The following DLG2 variants were observed in gnomAD, a reference collection of about 807,000 sequenced individuals.
The protein encoded by DLG2 is disks large homolog 2.
Under a neutral mutation model 132.5 loss-of-function variants are expected in DLG2, and 45 were observed. That is an observed-to-expected ratio of 0.34 (90% CI 0.27 to 0.44). The LOEUF is 0.44. Among genes scored for constraint, DLG2 ranks in the 20% least tolerant of loss-of-function variants. The pLI, the probability that DLG2 is intolerant of heterozygous loss-of-function variation, is 1.00. For synonymous variants in DLG2, 424 were observed against 419.6 expected (o/e 1.01, Z -0.13); for missense variants, 1,045 against 1,196.9 (o/e 0.87, Z 1.87).
At chr11:84,389,743 A>T (rs1490335984) in intron 7 of DLG2, among the ~76,000 whole-genome samples, 1 of 152,176 alleles carries the variant, frequency 6.6e-6, no homozygotes, top group Non-Finnish European at 1.5e-5. Context: ...GTAAGCATCT[A>T]GCCTTTGTCA....
intron 3 of DLG2, among the ~76,000 whole-genome samples, chr11:85,546,258 CATTCAGAAGTAGGTT>C (rs2153216584): frequency 6.6e-6 from 1 of 152,298 alleles, no homozygotes; most frequent in African/African-American, 2.4e-5. Context: ...ACCCAGCAGT[CATTCAGAAGTAGGTT>C]GTTCAGTTTC....
intron 15 of DLG2, among the ~76,000 whole-genome samples, chr11:83,878,102 C>T (rs1012589267): frequency 2.0e-5 from 3 of 152,196 alleles, no homozygotes; most frequent in Non-Finnish European, 2.9e-5. Context: ...CTAAAACATG[C>T]TGCTCTGTTC....
chr11:83,630,777 G>A lies in DLG2; in HGVS notation c.1940+2434C>T, dbSNP rs111722812. On this transcript the variant is annotated intron_variant, in intron 19 of 27. Coordinates refer to ENST00000376104, the MANE Select transcript of DLG2 (RefSeq NM_001142699.3). Reference sequence around the variant, plus strand: ...GCTGTGGGATCACAGGCAAGTCTCTGTCTCTGTTCTCCTCAGGTCTCAGTT... The same window carrying A: ...GCTGTGGGATCACAGGCAAGTCTCTATCTCTGTTCTCCTCAGGTCTCAGTT... 3.3e-3 allele frequency among the ~76,000 whole-genome samples: 508 copies of A among 152,138 alleles called. 3 individuals carry two copies. Among genetic ancestry groups the A allele is most frequent in the African/African-American group, 0.011 (463 of 41,436 alleles).
chr11:85,020,068 G>C (rs1215675356), intron 6 of DLG2, among the ~76,000 whole-genome samples: 1 of 152,172 alleles, frequency 6.6e-6, no homozygotes, highest in East Asian at 1.9e-4. Flanking sequence ...GTTTGAACTA[G>C]TTTACAGCCC....
At chr11:84,697,950 AAC>A (rs1469275609) in intron 6 of DLG2, among the ~76,000 whole-genome samples, 1 of 151,546 alleles carries the variant, frequency 6.6e-6, no homozygotes, top group Non-Finnish European at 1.5e-5. Context: ...TTTTGAAAAA[AAC>A]ACAGCTAATT....
intron 3 of DLG2, among the ~76,000 whole-genome samples, chr11:85,415,114 G>T (rs1302833117): frequency 6.6e-6 from 1 of 152,054 alleles, no homozygotes; most frequent in African/African-American, 2.4e-5. Flanking sequence ...TGCAGTGTTT[G>T]GTTTTCTCTT....
chr11:84,354,853 T>G (rs2098601639), intron 7 of DLG2, among the ~76,000 whole-genome samples: 2 of 152,050 alleles, frequency 1.3e-5, no homozygotes, highest in Non-Finnish European at 2.9e-5. Flanking sequence ...ATTAAGGGAG[T>G]ATTGAAGACC....
At chr11:84,843,292 A>T (rs1338470409) in intron 6 of DLG2, among the ~76,000 whole-genome samples, 1 of 120,418 alleles carries the variant, frequency 8.3e-6, no homozygotes, top group African/African-American at 3.1e-5. Context: ...AGTACTGTTA[A>T]AAAAAAAAAA....
intron 5 of DLG2, among the ~76,000 whole-genome samples, chr11:85,136,085 C>T (rs953551393): frequency 3.3e-5 from 5 of 152,168 alleles, no homozygotes; most frequent in Non-Finnish European, 7.4e-5. Flanking sequence ...TACCTTTATA[C>T]AATCAGTTTA....
At chr11:85,191,160 G>GCACACACACACACACACA (rs1256970184) in intron 4 of DLG2, among the ~76,000 whole-genome samples, 1 of 101,108 alleles carries the variant, frequency 9.9e-6, no homozygotes, top group African/African-American at 4.4e-5. Context: ...GCGCGCACGC[G>GCACACACACACACACACA]CGCACACACA....
At chr11:83,595,752 C>A (rs1483947832) in intron 19 of DLG2, among the ~76,000 whole-genome samples, 2 of 152,168 alleles carry the variant, frequency 1.3e-5, no homozygotes, top group African/African-American at 2.4e-5. Flanking sequence ...TAAAGTATCA[C>A]ATTGCAAACA....
At chr11:83,664,961 A>C (rs185926927) in intron 18 of DLG2, among the ~76,000 whole-genome samples, 1 of 152,302 alleles carries the variant, frequency 6.6e-6, no homozygotes, top group East Asian at 1.9e-4. Flanking sequence ...ATTTTTTTGC[A>C]TGGCTGAAAA....
chr11:83,672,266 C>A (rs1364175328), intron 18 of DLG2, among the ~76,000 whole-genome samples: 3 of 152,068 alleles, frequency 2.0e-5, no homozygotes, highest in Non-Finnish European at 2.9e-5. Context: ...CTCACCGCAA[C>A]CTCTGCCTCC....
At chr11:84,974,378 T>G (rs548760741) in intron 6 of DLG2, among the ~76,000 whole-genome samples, 1 of 152,314 alleles carries the variant, frequency 6.6e-6, no homozygotes, top group East Asian at 1.9e-4. Context: ...TTCAGCCAGT[T>G]ACTATTAATG....
chr11:84,673,407 T>C (rs143063541), intron 6 of DLG2, among the ~76,000 whole-genome samples: 22 of 152,180 alleles, frequency 1.4e-4, no homozygotes, highest in African/African-American at 5.1e-4. Flanking sequence ...ATTTGAATCC[T>C]GGCTTTGTCA....
intron 3 of DLG2, among the ~76,000 whole-genome samples, chr11:85,569,214 TA>T (rs1229135280): frequency 2.0e-5 from 3 of 152,138 alleles, no homozygotes; most frequent in Non-Finnish European, 4.4e-5. Context: ...GTATTTTTAG[TA>T]GAGACGAGGT....
chr11:84,922,739 T>C (rs2092812742), intron 6 of DLG2, among the ~76,000 whole-genome samples: 1 of 152,132 alleles, frequency 6.6e-6, no homozygotes. Context: ...AAAATCATAA[T>C]TCAAAGCATG....
At chr11:84,767,264 A>G (rs1294981540) in intron 6 of DLG2, among the ~76,000 whole-genome samples, 1 of 152,024 alleles carries the variant, frequency 6.6e-6, no homozygotes, top group Admixed American at 6.6e-5. Flanking sequence ...TGGTCATAAA[A>G]CTATATTGTT....
intron 22 of DLG2, among the ~76,000 whole-genome samples, chr11:83,482,162 A>AAAAT (rs1219210858): frequency 6.6e-6 from 1 of 152,118 alleles, no homozygotes; most frequent in African/African-American, 2.4e-5. Flanking sequence ...CAGATTTTTA[A>AAAAT]AAATATAAAT....
Sources: allele counts gnomAD v4.1 joint callset (sites outside exome capture counted in the v4.1 genomes callset), GRCh38; gene constraint gnomAD v4.1.1; transcripts MANE v1.5; gene names NCBI Gene and HGNC (gene_info 2026-07-23, HGNC 2026-07-21).